PTPRT: variants seen among roughly 807,000 people sequenced by gnomAD.
PTPRT encodes protein tyrosine phosphatase receptor type T, also known as receptor-type tyrosine-protein phosphatase T.
Under a neutral mutation model 176.8 loss-of-function variants are expected in PTPRT, and 56 were observed. The ratio of observed to expected loss-of-function variants is 0.32; its 90% CI spans 0.26 to 0.40. The LOEUF (loss-of-function observed/expected upper bound fraction) is 0.40, where lower values mean the gene tolerates loss of function less well. Among genes scored for constraint, PTPRT ranks in the 10% least tolerant of loss-of-function variants. The probability of loss-of-function intolerance (pLI) is 1.00; values close to 1 mark genes in which losing one functional copy is unlikely to be tolerated. For missense variants in PTPRT, 1,540 were observed against 1,908.2 expected (o/e 0.81, Z 3.60); for synonymous variants, 783 against 739.0 (o/e 1.06, Z -0.96).
At chr20:42,114,625 T>C (rs1032889886) in intron 22 of PTPRT, among the ~76,000 whole-genome samples, 2 of 152,162 alleles carry the variant, frequency 1.3e-5, no homozygotes, top group Non-Finnish European at 2.9e-5. Flanking sequence ...TTTATAAGCA[T>C]CTCTGGCCTC....
At chr20:42,119,098 C>T (rs941853076) in intron 20 of PTPRT, among the ~76,000 whole-genome samples, 2 of 145,456 alleles carry the variant, frequency 1.4e-5, no homozygotes, top group African/African-American at 5.0e-5. Context: ...GGAAATTACT[C>T]TTTCAATGTC....
At chr20:42,507,197 G>C (rs2071862738) in intron 7 of PTPRT, among the ~76,000 whole-genome samples, 2 of 152,152 alleles carry the variant, frequency 1.3e-5, no homozygotes, top group African/African-American at 4.8e-5. Context: ...ATAGGGCTAT[G>C]CTTATTGAAT....
At chr20:42,845,924 C>G (rs1052649877) in intron 2 of PTPRT, among the ~76,000 whole-genome samples, 1 of 152,156 alleles carries the variant, frequency 6.6e-6, no homozygotes, top group Non-Finnish European at 1.5e-5. Flanking sequence ...TCCTTGTTCT[C>G]AGTCATGAGA....
chr20:42,223,652 A>G (rs1403384158), intron 15 of PTPRT, among the ~76,000 whole-genome samples: 2 of 152,238 alleles, frequency 1.3e-5, no homozygotes, highest in South Asian at 2.1e-4. Context: ...CTTAGATCCC[A>G]CAATTTCATG....
intron 28 of PTPRT, among the ~76,000 whole-genome samples, chr20:42,085,069 C>G (rs1224734596): frequency 6.6e-6 from 1 of 152,160 alleles, no homozygotes; most frequent in Non-Finnish European, 1.5e-5. Context: ...AAAACTCCTG[C>G]TCAGCCTTCA....
At chr20:42,485,250 G>T (rs752693292) in intron 7 of PTPRT, among the ~76,000 whole-genome samples, 1 of 152,152 alleles carries the variant, frequency 6.6e-6, no homozygotes, top group Non-Finnish European at 1.5e-5. Context: ...TAACATCTGG[G>T]TTAGTTTCAC....
intron 6 of PTPRT, among the ~76,000 whole-genome samples, chr20:42,694,397 T>G (rs1181580356): frequency 1.3e-5 from 2 of 152,224 alleles, no homozygotes; most frequent in Non-Finnish European, 2.9e-5. Flanking sequence ...GTAGTTTACA[T>G]GTGATATACA....
chr20:42,148,541 C>A (rs1249840803), intron 17 of PTPRT, among the ~76,000 whole-genome samples: 2 of 151,946 alleles, frequency 1.3e-5, no homozygotes, highest in African/African-American at 2.4e-5. Context: ...AGACAGGGAC[C>A]CGGGCAAGGG....
Position 42,073,404 on chromosome 20 carries a change from T to C in PTPRT, c.*7475A>G, listed in dbSNP as rs1474347577. 1 of 194,472 alleles carries C rather than the reference T, an allele frequency of 5.1e-6. No individual in the cohort carries two copies. Among genetic ancestry groups the C allele is most frequent in the Admixed American group, 6.1e-5 (1 of 16,372 alleles). The allele number at this position is 194,472 out of a possible 1,614,324, so 12.0% of individuals were successfully genotyped here. The stretch of plus-strand genomic sequence containing the variant: ...GGAAATGATTATAATCATGTGTAAA[T>C]TGAGTTACTGTGCTTTTGCTTTTGC... On this transcript the variant is annotated 3_prime_UTR_variant, in exon 31 of 31. Transcript: ENST00000373187.
chr20:42,120,426 A>G (rs866569958), intron 19 of PTPRT, among the ~76,000 whole-genome samples: 19 of 152,242 alleles, frequency 1.2e-4, no homozygotes, highest in African/African-American at 4.6e-4. Context: ...TTCTTCCATT[A>G]GTAACAATTA....
intron 1 of PTPRT, among the ~76,000 whole-genome samples, chr20:43,047,827 G>T (rs552838973): frequency 6.6e-6 from 1 of 152,176 alleles, no homozygotes; most frequent in East Asian, 1.9e-4. Flanking sequence ...TAAAATAGGG[G>T]TTCTTTTGTC....
chr20:42,610,920 C>T lies in PTPRT; in HGVS notation c.1153+66946G>A, dbSNP rs111766946. 5.3e-3 allele frequency among the ~76,000 whole-genome samples: 659 copies of T among 124,744 alleles called. 6 individuals are homozygous for T. The highest frequency in any genetic ancestry group is 0.024 in the African/African-American group (620 of 25,340). 81.8% of individuals were successfully genotyped at this position (124,744 alleles called of 152,430 possible). A position where few individuals can be genotyped will look rare whatever the true frequency, so the allele number is the denominator to read the frequency against. On this transcript the variant is annotated intron_variant, in intron 7 of 30. Coordinates refer to ENST00000373187, the MANE Select transcript of PTPRT (RefSeq NM_007050.6). ...ATAGACTTACCTATTCTGAACATTGCAATACACTAGTCTTTCGTGTCTGAC... is the reference window on the plus strand; with the variant it reads ...ATAGACTTACCTATTCTGAACATTGTAATACACTAGTCTTTCGTGTCTGAC...
At position 42,350,747 on chromosome 20, in the gene PTPRT, G is replaced by A. The variant is rs1161409678; in HGVS notation, c.1763-17C>T. 3 of 1,568,560 alleles carry A rather than the reference G, an allele frequency of 1.9e-6. No individual in the cohort carries two copies. Among genetic ancestry groups the A allele is most frequent in the Admixed American group, 3.3e-5 (2 of 59,958 alleles). ...TGGATGGAGCTGGACAGGAAACAGA[G>A]AGTGCAGGTGAGTTCAGCACAGATT... On this transcript the variant is annotated splice_polypyrimidine_tract_variant and intron_variant, in intron 10 of 30. Coordinates refer to ENST00000373187, the MANE Select transcript of PTPRT (RefSeq NM_007050.6).
intron 1 of PTPRT, among the ~76,000 whole-genome samples, chr20:43,142,952 T>C (rs2014061878): frequency 6.6e-6 from 1 of 152,210 alleles, no homozygotes; most frequent in Admixed American, 6.5e-5. Context: ...CTCTCCACAA[T>C]TACCCTTGAA....
chr20:42,453,129 CT>C (rs2070860723), intron 8 of PTPRT, among the ~76,000 whole-genome samples: 1 of 152,066 alleles, frequency 6.6e-6, no homozygotes, highest in Non-Finnish European at 1.5e-5. Context: ...TTTTGCAAAG[CT>C]TTTTGAGGTA....
intron 6 of PTPRT, among the ~76,000 whole-genome samples, chr20:42,752,744 A>C (rs2076784354): frequency 6.6e-6 from 1 of 152,172 alleles, no homozygotes; most frequent in Non-Finnish European, 1.5e-5. Flanking sequence ...TTCAGTATTA[A>C]AGTACTTAAG....
At chr20:42,219,518 G>A (rs1223311407) in intron 15 of PTPRT, among the ~76,000 whole-genome samples, 1 of 152,152 alleles carries the variant, frequency 6.6e-6, no homozygotes, top group Non-Finnish European at 1.5e-5. Flanking sequence ...TGTTAGATAA[G>A]CATTGTTAGA....
At chr20:42,574,013 C>T (rs1347276673) in intron 7 of PTPRT, among the ~76,000 whole-genome samples, 1 of 152,076 alleles carries the variant, frequency 6.6e-6, no homozygotes, top group Non-Finnish European at 1.5e-5. Flanking sequence ...TCCCAAAGTG[C>T]TGGGATTACA....
chr20:42,846,776 G>A (rs1193209122), intron 2 of PTPRT, among the ~76,000 whole-genome samples: 1 of 152,164 alleles, frequency 6.6e-6, no homozygotes, highest in Non-Finnish European at 1.5e-5. Flanking sequence ...TTGAGATAAG[G>A]ACTGGGCCTG....
Sources: gnomAD v4.1 joint callset for allele counts (sites outside exome capture counted in the v4.1 genomes callset) on GRCh38, gnomAD v4.1.1 for gene constraint, MANE v1.5 for transcripts, NCBI Gene and HGNC (gene_info 2026-07-23, HGNC 2026-07-21) for gene names.